The following GASK1B variants were observed in gnomAD, a reference collection of about 807,000 sequenced individuals.
GASK1B encodes golgi associated kinase 1B.
Under a neutral mutation model 42.8 loss-of-function variants are expected in GASK1B, and 34 were observed. That is an observed-to-expected ratio of 0.79 (90% CI 0.60 to 1.06). The LOEUF is 1.06. Among genes scored for constraint, GASK1B ranks in the 50% least tolerant of loss-of-function variants. The pLI, the probability that GASK1B is intolerant of heterozygous loss-of-function variation, is 0.00. For missense variants in GASK1B, 686 were observed against 661.0 expected (o/e 1.04, Z -0.42); for synonymous variants, 262 against 259.1 (o/e 1.01, Z -0.11).
rs1730424145 is a variant in GASK1B at position 158,125,700 on chromosome 4, G to A, written c.*1707C>T. 6.6e-6 allele frequency: 1 copy of A among 152,154 alleles called. No individual in the cohort carries two copies. The highest frequency in any genetic ancestry group is 1.5e-5 in the Non-Finnish European group (1 of 68,048). 9.4% of individuals were successfully genotyped at this position (152,154 alleles called of 1,614,324 possible). On this transcript the variant is annotated 3_prime_UTR_variant, in exon 5 of 5. Coordinates refer to ENST00000585682, the MANE Select transcript of GASK1B (RefSeq NM_001128424.2). ...TCGGGTCAATAGAGGGAAAATTGAAGAGGAAGATAATCCAAAGCTCAACTG... is the reference window on the plus strand; with the variant it reads ...TCGGGTCAATAGAGGGAAAATTGAAAAGGAAGATAATCCAAAGCTCAACTG...
chr4:158,155,027 A>G (rs975310211), intron 3 of GASK1B, among the ~76,000 whole-genome samples: 1 of 152,186 alleles, frequency 6.6e-6, no homozygotes, highest in Non-Finnish European at 1.5e-5. Context: ...ATTAAAATTA[A>G]AAAATAAAAG....
rs373417820 is a variant in GASK1B, at chr4:158,127,377, A to G, written c.*30T>C. On this transcript the variant is annotated 3_prime_UTR_variant, in exon 5 of 5. Coordinates refer to ENST00000585682, the MANE Select transcript of GASK1B (RefSeq NM_001128424.2). ...AACAAAACCAAAAATGCATAAATATATCTAACACCCTAGCCAGAAGATTCT... is the reference window on the plus strand; with the variant it reads ...AACAAAACCAAAAATGCATAAATATGTCTAACACCCTAGCCAGAAGATTCT... 9 of 1,591,518 alleles carry G rather than the reference A, an allele frequency of 5.7e-6. No homozygotes were observed. The highest frequency in any genetic ancestry group is 2.7e-5 in the African/African-American group (2 of 74,166).
In GASK1B at chr4:158,141,597, C is replaced by CATTTTTTTTTTTTTTT. The variant is rs1553958620; in HGVS notation, c.1126-10586_1126-10585insAAAAAAAAAAAAAAAT. 7.0e-5 allele frequency among the ~76,000 whole-genome samples: 8 copies of CATTTTTTTTTTTTTTT among 113,694 alleles called. 4 individuals are homozygous for CATTTTTTTTTTTTTTT. Among genetic ancestry groups the CATTTTTTTTTTTTTTT allele is most frequent in the African/African-American group, 6.9e-5 (2 of 28,906 alleles). 74.6% of individuals were successfully genotyped at this position (113,694 alleles called of 152,430 possible). A position where few individuals can be genotyped will look rare whatever the true frequency, so the allele number is the denominator to read the frequency against. ...CATAGGTCAGTGCCTTTGTATTTAC[C>CATTTTTTTTTTTTTTT]TTTTTTTTTTTTTTTTTTTTTTTTT... On this transcript the variant is annotated intron_variant, in intron 3 of 4. Coordinates refer to ENST00000585682, the MANE Select transcript of GASK1B (RefSeq NM_001128424.2).
chr4:158,127,750 T>C, intron 4 of GASK1B, 136 bp from the exon 5 acceptor site: 1 of 713,310 alleles, frequency 1.4e-6, no homozygotes, highest in Admixed American at 2.9e-5. Flanking sequence ...ACATTTTTGT[T>C]ACTGCCAAGA....
rs1732451921 is a variant in GASK1B at position 158,170,624 on chromosome 4, C to A, written c.752G>T (p.Gly251Val). Residue 251 changes from glycine (G) to valine (V), a missense_variant, in exon 2 of 5, where the codon GGG becomes GTG. Gly to Val is a moderately radical substitution (Grantham distance 109). Transcript: ENST00000585682. ...RSGARLLVLE[G>V]GAPGAVLRCG... ...GCGGAGCACAGCGCCAGGTGCGCCC[C>A]CCTCCAGCACCAGCAAACGGGCTCC... 1 of 1,613,660 alleles carries A rather than the reference C, an allele frequency of 6.2e-7. No individual in the cohort carries two copies.
At position 158,133,795 on chromosome 4, in the gene GASK1B, C is replaced by T. The variant is rs554062567; in HGVS notation, c.1126-2783G>A. ...TGTTGTGCCATTCAGATCTAAGAGA[C>T]ATTATTACTGAAAACAGGTGTGTGC... On this transcript the variant is annotated intron_variant, in intron 3 of 4. Coordinates refer to ENST00000585682, the MANE Select transcript of GASK1B (RefSeq NM_001128424.2). 1.1e-4 allele frequency among the ~76,000 whole-genome samples: 17 copies of T among 152,272 alleles called. No individual in the cohort carries two copies. In the South Asian group the frequency reaches 3.3e-3, roughly 30 times the overall value.
Position 158,170,877 on chromosome 4 carries a change from C to T in GASK1B, c.499G>A (p.Ala167Thr), listed in dbSNP as rs1414332789. The change falls in exon 2 of 5, where the codon GCT becomes ACT. Residue 167 changes from alanine to threonine, a missense_variant. By Grantham distance (58) the Ala-to-Thr change is moderately conservative. Transcript: ENST00000585682. ...ATCTTAACCAGGTTTGCTCCCTGAG[C>T]GTACCCAGGTGCTACAGCATCAGCT... ...READAVAPGY[A>T]QGANLVKIGE... The T allele has an allele frequency of 4.3e-6, 7 of 1,614,142 alleles. No homozygotes were observed. Among genetic ancestry groups the T allele is most frequent in the South Asian group, 1.1e-5 (1 of 91,094 alleles).
rs1328138480 is a variant in GASK1B at position 158,124,762 on chromosome 4, C to T, written c.*2645G>A. 2.0e-5 allele frequency: 3 copies of T among 152,082 alleles called. No homozygotes were observed. The highest frequency in any genetic ancestry group is 1.3e-4 in the Admixed American group (2 of 15,254). 9.4% of individuals were successfully genotyped at this position (152,082 alleles called of 1,614,324 possible). ...TTCTTGACTCTCTTTCTTTTTTCAC[C>T]GCTAAAGGTAGCAAACATTCCTCTG... is the stretch of plus-strand genomic sequence containing the variant. On this transcript the variant is annotated 3_prime_UTR_variant, in exon 5 of 5. Coordinates refer to ENST00000585682, the MANE Select transcript of GASK1B (RefSeq NM_001128424.2).
At chr4:158,158,106 CA>C (rs1015144304) in intron 2 of GASK1B, among the ~76,000 whole-genome samples, 1 of 152,040 alleles carries the variant, frequency 6.6e-6, no homozygotes, top group Admixed American at 6.6e-5. Flanking sequence ...ATTATGTCTT[CA>C]TTTTGTAACG....
At chr4:158,163,459 C>A (rs1466487249) in intron 2 of GASK1B, among the ~76,000 whole-genome samples, 1 of 151,838 alleles carries the variant, frequency 6.6e-6, no homozygotes, top group Non-Finnish European at 1.5e-5. Context: ...ATCCCAGTTA[C>A]TCAGGAGGCT....
intron 4 of GASK1B, among the ~76,000 whole-genome samples, chr4:158,129,517 G>A (rs373648196): frequency 2.8e-4 from 42 of 152,252 alleles, no homozygotes; most frequent in African/African-American, 9.9e-4. Context: ...TGCTCTTAAT[G>A]CTAAAGTACA....
chr4:158,159,825 G>C (rs1188742363), intron 2 of GASK1B: 1 of 168,932 alleles, frequency 5.9e-6, no homozygotes, highest in East Asian at 1.7e-4. Context: ...CTGAGAAGAT[G>C]AACATGAAAA....
chr4:158,140,076 C>G (rs1731055371), intron 3 of GASK1B, among the ~76,000 whole-genome samples: 1 of 152,290 alleles, frequency 6.6e-6, no homozygotes, highest in East Asian at 1.9e-4. Flanking sequence ...ACAATGACCA[C>G]CGGTATAGTT....
At position 158,147,501 on chromosome 4, in the gene GASK1B, G is replaced by A. The variant is rs114999405; in HGVS notation, c.1125+8110C>T. 8.0e-3 allele frequency among the ~76,000 whole-genome samples: 1,221 copies of A among 152,028 alleles called. 15 individuals carry two copies. The highest frequency in any genetic ancestry group is 0.028 in the African/African-American group (1,157 of 41,446). Reference sequence around the variant, plus strand: ...TACCCATAGTCCCAGCTACTCAGGAGGCTGAGGCAAGATGATCACTTGAGC... The same window carrying A: ...TACCCATAGTCCCAGCTACTCAGGAAGCTGAGGCAAGATGATCACTTGAGC... On this transcript the variant is annotated intron_variant, in intron 3 of 4. Transcript: ENST00000585682.
Position 158,159,756 on chromosome 4 carries a change from G to A in GASK1B, c.911-3931C>T, listed in dbSNP as rs567405835. On this transcript the variant is annotated intron_variant, in intron 2 of 4. Transcript: ENST00000585682. ...TTTTTTCTGAAATCTGAATATTTCC[G>A]CTGAATTTGGTGCTCTCCCAAGTCG... is the stretch of plus-strand genomic sequence containing the variant. 1.5e-4 allele frequency: 26 copies of A among 173,170 alleles called. No individual in the cohort carries two copies. In the East Asian group the frequency reaches 1.6e-3, roughly 11 times the overall value. 10.7% of individuals were successfully genotyped at this position (173,170 alleles called of 1,614,324 possible). A position where few individuals can be genotyped will look rare whatever the true frequency, so the allele number is the denominator to read the frequency against.
At chr4:158,131,153 C>G in intron 3 of GASK1B, 141 bp from the exon 4 acceptor site, 1 of 671,546 alleles carries the variant, frequency 1.5e-6, no homozygotes, top group Middle Eastern at 4.1e-4. Context: ...TTAAAGGCAA[C>G]TGTCAGAACA....
chr4:158,146,933 C>A (rs1366159128), intron 3 of GASK1B, among the ~76,000 whole-genome samples: 1 of 152,134 alleles, frequency 6.6e-6, no homozygotes, highest in Non-Finnish European at 1.5e-5. Context: ...ATTTTACAGA[C>A]CCAGTAAAAT....
chr4:158,155,877 G>A, intron 2 of GASK1B, 52 bp from the exon 3 acceptor site: 1 of 1,519,866 alleles, frequency 6.6e-7, no homozygotes, highest in Non-Finnish European at 9.1e-7. Flanking sequence ...GACTCAGGGT[G>A]TGTCTTTGAG....
At chr4:158,172,638 A>C (rs1169310764) in intron 1 of GASK1B, 1 of 152,244 alleles carries the variant, frequency 6.6e-6, no homozygotes, top group Non-Finnish European at 1.5e-5. Context: ...GTTTTCATTC[A>C]AATAAATTTC....
Sources: allele counts gnomAD v4.1 joint callset (sites outside exome capture counted in the v4.1 genomes callset), GRCh38; gene constraint gnomAD v4.1.1; transcripts MANE v1.5; gene names NCBI Gene and HGNC (gene_info 2026-07-23, HGNC 2026-07-21).